Variants in GRIP1 observed in about 807,000 individuals in gnomAD.
GRIP1 encodes the protein glutamate receptor-interacting protein 1.
In GRIP1, 45 loss-of-function variants were observed where a neutral mutation model predicts 129.9. The ratio of observed to expected loss-of-function variants is 0.35; its 90% confidence interval spans 0.27 to 0.44. The LOEUF (loss-of-function observed/expected upper bound fraction) is 0.44. Among genes scored for constraint, GRIP1 ranks in the 20% least tolerant of loss-of-function variants. GRIP1 has a pLI of 1.00. For missense variants in GRIP1, 1,196 were observed against 1,396.8 expected (o/e 0.86, Z 2.29); for synonymous variants, 530 against 520.8 (o/e 1.02, Z -0.24).
chr12:67,041,406 AAG>A (rs1351502605), intron 1 of GRIP1, among the ~76,000 whole-genome samples: 2 of 151,986 alleles, frequency 1.3e-5, no homozygotes, highest in Non-Finnish European at 2.9e-5. Flanking sequence ...AGAGAGAGAG[AAG>A]AGAGAGAGAT....
Position 66,932,960 on chromosome 12 carries a change from C to T in GRIP1, c.58+136090G>A, listed in dbSNP as rs1186344980. Among the ~76,000 whole-genome samples the T allele has an allele frequency of 2.0e-5, 3 of 152,190 alleles. No homozygotes were observed. In the East Asian group the frequency reaches 5.8e-4, roughly 29 times the overall value. On this transcript the variant is annotated intron_variant, in intron 1 of 1. Coordinates refer to the GRIP1 transcript ENST00000643019. ...GGGATTACAGGTGTGAGCCACCGTG[C>T]CCAGCCCAATATCAGTGTATTTTAA...
chr12:66,420,988 A>G (rs1004211452), intron 14 of GRIP1, among the ~76,000 whole-genome samples, 199 bp from the exon 15 acceptor site: 27 of 152,368 alleles, frequency 1.8e-4, no homozygotes, highest in African/African-American at 5.8e-4. Flanking sequence ...TAAAAACTAA[A>G]GCAATGCCAC....
At chr12:66,417,240 T>A (rs1178726325) in intron 15 of GRIP1, among the ~76,000 whole-genome samples, 1 of 152,000 alleles carries the variant, frequency 6.6e-6, no homozygotes, top group Non-Finnish European at 1.5e-5. Flanking sequence ...AAATTTAACA[T>A]CCCTTCATGA....
At chr12:66,392,210 TAAAG>T (rs1454574326) in intron 19 of GRIP1, 94 bp downstream of exon 19, 4 of 770,784 alleles carry the variant, frequency 5.2e-6, no homozygotes, top group East Asian at 2.5e-5. Context: ...AGACACAAGT[TAAAG>T]AAAGATATTC....
intron 1 of GRIP1, among the ~76,000 whole-genome samples, chr12:66,838,485 G>A (rs565555151): frequency 3.9e-5 from 6 of 152,238 alleles, no homozygotes; most frequent in East Asian, 3.9e-4. Context: ...CACAGGAGAC[G>A]CAAAACTCTG....
At chr12:66,522,350 CGCTGTTCTACAGCCACT>C (rs886170509) in intron 5 of GRIP1, among the ~76,000 whole-genome samples, 8 of 152,264 alleles carry the variant, frequency 5.3e-5, no homozygotes, top group African/African-American at 1.4e-4. Context: ...CACCAATATC[CGCTGTTCTACAGCCACT>C]GCTGTTCTAC....
intron 1 of GRIP1, among the ~76,000 whole-genome samples, chr12:66,656,351 A>G (rs900598007): frequency 6.6e-6 from 1 of 152,226 alleles, no homozygotes; most frequent in South Asian, 2.1e-4. Flanking sequence ...CCCATTTTAA[A>G]AAAAAACAGA....
At chr12:66,953,168 T>C (rs745989218) in intron 1 of GRIP1, among the ~76,000 whole-genome samples, 13 of 152,202 alleles carry the variant, frequency 8.5e-5, no homozygotes, top group Non-Finnish European at 1.6e-4. Flanking sequence ...ATTCAAGGAT[T>C]CATTTTATCA....
chr12:66,890,842 CTTCA>C (rs1316410576), intron 1 of GRIP1, among the ~76,000 whole-genome samples: 1 of 152,136 alleles, frequency 6.6e-6, no homozygotes. Flanking sequence ...CTAGAAAGAA[CTTCA>C]TTAATGCCAG....
chr12:66,965,324 T>C (rs2041980235), intron 1 of GRIP1, among the ~76,000 whole-genome samples: 1 of 152,158 alleles, frequency 6.6e-6, no homozygotes. Context: ...GCTCTCTGAT[T>C]ACTCTCTAAC....
chr12:66,468,634 T>C (rs2059351804), intron 7 of GRIP1, among the ~76,000 whole-genome samples: 1 of 151,798 alleles, frequency 6.6e-6, no homozygotes, highest in African/African-American at 2.4e-5. Flanking sequence ...TTTAAAAAGG[T>C]CATCAGGATA....
upstream of GRIP1, among the ~76,000 whole-genome samples, chr12:66,684,096 G>A (rs561509829): frequency 7.9e-5 from 12 of 152,170 alleles, no homozygotes; most frequent in Non-Finnish European, 1.5e-4. Context: ...GGTAAACTGA[G>A]TTTATCTGTG....
chr12:66,432,727 T>G (rs1287922413), intron 13 of GRIP1, 99 bp from the exon 14 acceptor site: 1 of 673,824 alleles, frequency 1.5e-6, no homozygotes, highest in African/African-American at 2.3e-5. Flanking sequence ...TAATCATATG[T>G]AGCTAAAACT....
chr12:66,355,689 T>C (rs909457204), intron 23 of GRIP1, among the ~76,000 whole-genome samples: 2 of 152,064 alleles, frequency 1.3e-5, no homozygotes, highest in African/African-American at 2.4e-5. Context: ...GGGGAAGACT[T>C]TGCTGGTGGC....
At chr12:66,613,389 T>C (rs1304688818) in intron 1 of GRIP1, among the ~76,000 whole-genome samples, 1 of 152,300 alleles carries the variant, frequency 6.6e-6, no homozygotes, top group South Asian at 2.1e-4. Flanking sequence ...TCATTTTGTC[T>C]GCACCCCAAA....
chr12:66,764,874 CAAT>C (rs2037582607), intron 1 of GRIP1, among the ~76,000 whole-genome samples: 2 of 152,178 alleles, frequency 1.3e-5, no homozygotes, highest in African/African-American at 2.4e-5. Context: ...ACAATAACAA[CAAT>C]ATTACTAATC....
intron 1 of GRIP1, among the ~76,000 whole-genome samples, chr12:66,852,581 T>A (rs1185249553): frequency 6.6e-6 from 1 of 150,660 alleles, no homozygotes; most frequent in African/African-American, 2.5e-5. Flanking sequence ...TACAGGTATA[T>A]GTATATATGT....
At chr12:66,700,566 G>C (rs979751932) in intron 1 of GRIP1, among the ~76,000 whole-genome samples, 3 of 152,066 alleles carry the variant, frequency 2.0e-5, no homozygotes, top group African/African-American at 7.2e-5. Context: ...TCCCGCCTCA[G>C]GCTCCTGAGT....
At chr12:66,715,479 A>AGAGG (rs2035857314) in intron 1 of GRIP1, among the ~76,000 whole-genome samples, 1 of 53,728 alleles carries the variant, frequency 1.9e-5, no homozygotes, top group African/African-American at 5.3e-5. Flanking sequence ...TGTGAGAGAG[A>AGAGG]GAGAGAGAGA....
Sources: allele counts gnomAD v4.1 joint callset (sites outside exome capture counted in the v4.1 genomes callset), GRCh38; gene constraint gnomAD v4.1.1; transcripts MANE v1.5; gene names NCBI Gene and HGNC (gene_info 2026-07-23, HGNC 2026-07-21).